The following LRRTM4 variants were observed in gnomAD, a reference collection of about 807,000 sequenced individuals.
The protein encoded by LRRTM4 is leucine rich repeat transmembrane neuronal 4.
LRRTM4 carries 25 observed loss-of-function variants against 47.6 expected under a neutral mutation model. That is an observed-to-expected ratio of 0.53 (90% CI 0.38 to 0.73). LRRTM4 has a LOEUF of 0.73. LRRTM4 is among the 30% of genes least tolerant of loss of function. The pLI, the probability that LRRTM4 is intolerant of heterozygous loss-of-function variation, is 0.00. For synonymous variants in LRRTM4, 311 were observed against 269.5 expected (o/e 1.15, Z -1.51); for missense variants, 638 against 713.4 (o/e 0.89, Z 1.20).
intron 3 of LRRTM4, among the ~76,000 whole-genome samples, chr2:77,337,486 C>A (rs1399400419): frequency 6.6e-6 from 1 of 152,050 alleles, no homozygotes; most frequent in Non-Finnish European, 1.5e-5. Context: ...GAGGAAGGGA[C>A]CTGGTAGGAA....
intron 3 of LRRTM4, among the ~76,000 whole-genome samples, chr2:77,095,124 T>A (rs1425133141): frequency 2.0e-5 from 3 of 152,192 alleles, no homozygotes; most frequent in Non-Finnish European, 4.4e-5. Context: ...CAGACATTTC[T>A]CAACAGAAGA....
chr2:76,761,069 A>C (rs1476378638), intron 3 of LRRTM4, among the ~76,000 whole-genome samples: 1 of 152,218 alleles, frequency 6.6e-6, no homozygotes, highest in East Asian at 1.9e-4. Context: ...TGGTGATTCA[A>C]ATGTGCAACC....
At chr2:77,008,805 G>A (rs145164656) in intron 3 of LRRTM4, among the ~76,000 whole-genome samples, 164 of 152,110 alleles carry the variant, frequency 1.1e-3, no homozygotes, top group African/African-American at 3.7e-3. Flanking sequence ...ACGAGGCGCC[G>A]GCAATGCCTT....
At chr2:76,852,279 C>T (rs991118979) in intron 3 of LRRTM4, among the ~76,000 whole-genome samples, 6 of 152,154 alleles carry the variant, frequency 3.9e-5, no homozygotes, top group African/African-American at 1.2e-4. Context: ...CTGAAGGTAT[C>T]ATTCAGCTTA....
Position 76,924,311 on chromosome 2 carries a change from C to A in LRRTM4, c.1552-175395G>T, listed in dbSNP as rs570108942. 2.6e-5 allele frequency among the ~76,000 whole-genome samples: 4 copies of A among 152,160 alleles called. No individual in the cohort carries two copies. In the East Asian group the frequency reaches 7.8e-4, roughly 29 times the overall value. ...TGTCTTTATAAACTATTTTCCTCAA[C>A]TCTTCTCTTTTTGTTCTTTATGAGT... is the stretch of plus-strand genomic sequence containing the variant. On this transcript the variant is annotated intron_variant, in intron 3 of 3. Coordinates refer to ENST00000409884, the MANE Select transcript of LRRTM4 (RefSeq NM_001134745.3).
chr2:77,190,625 G>A (rs779860521), intron 3 of LRRTM4, among the ~76,000 whole-genome samples: 17 of 151,956 alleles, frequency 1.1e-4, no homozygotes, highest in Non-Finnish European at 1.9e-4. Flanking sequence ...TTTAAACTAG[G>A]AATATTAGCA....
chr2:76,776,114 T>C (rs1673974849), intron 3 of LRRTM4, among the ~76,000 whole-genome samples: 1 of 152,238 alleles, frequency 6.6e-6, no homozygotes, highest in African/African-American at 2.4e-5. Flanking sequence ...TGCATAGTAT[T>C]CCACGGTGTA....
At chr2:77,423,257 T>C (rs537949084) in intron 3 of LRRTM4, among the ~76,000 whole-genome samples, 149 of 152,294 alleles carry the variant, frequency 9.8e-4, no homozygotes, top group African/African-American at 3.4e-3. Flanking sequence ...TTTTTGCATG[T>C]AATTTTTTTT....
intron 3 of LRRTM4, among the ~76,000 whole-genome samples, chr2:76,883,480 C>G (rs1289559494): frequency 6.6e-6 from 1 of 152,160 alleles, no homozygotes; most frequent in Non-Finnish European, 1.5e-5. Flanking sequence ...GATTTTGTAG[C>G]CAGACCATCC....
intron 3 of LRRTM4, among the ~76,000 whole-genome samples, chr2:77,038,344 T>C (rs1036532095): frequency 6.6e-6 from 1 of 151,628 alleles, no homozygotes; most frequent in East Asian, 1.9e-4. Flanking sequence ...TAGAATTCAC[T>C]TGACCTTAGG....
intron 3 of LRRTM4, among the ~76,000 whole-genome samples, chr2:77,309,333 C>G (rs1392564832): frequency 6.6e-6 from 1 of 152,150 alleles, no homozygotes; most frequent in African/African-American, 2.4e-5. Context: ...GAGAAATAAA[C>G]TTCGTTGACC....
At chr2:77,399,453 A>C (rs1188602912) in intron 3 of LRRTM4, among the ~76,000 whole-genome samples, 1 of 151,924 alleles carries the variant, frequency 6.6e-6, no homozygotes, top group South Asian at 2.1e-4. Context: ...AGAGAGCAGA[A>C]TGTTGGTTAC....
At chr2:76,958,202 A>T (rs1243511656) in intron 3 of LRRTM4, among the ~76,000 whole-genome samples, 1 of 151,822 alleles carries the variant, frequency 6.6e-6, no homozygotes, top group East Asian at 1.9e-4. Flanking sequence ...GGCCAGGCAG[A>T]GGGCCATGTC....
rs370109351 is a variant in LRRTM4, at chr2:76,779,663, G to A, written c.1552-30747C>T. On this transcript the variant is annotated intron_variant, in intron 3 of 3. Coordinates refer to ENST00000409884, the MANE Select transcript of LRRTM4 (RefSeq NM_001134745.3). ...TTTGAGCCTATATGTGTCTCTGCAC[G>A]TGAGATGGGTTTCCTGAATACAGCA... 4.2e-3 allele frequency among the ~76,000 whole-genome samples: 630 copies of A among 151,630 alleles called. 7 individuals are homozygous for A. Among genetic ancestry groups the A allele is most frequent in the Middle Eastern group, 0.017 (5 of 294 alleles).
At chr2:77,419,519 G>A (rs1461122172) in intron 3 of LRRTM4, among the ~76,000 whole-genome samples, 1 of 152,110 alleles carries the variant, frequency 6.6e-6, no homozygotes, top group East Asian at 1.9e-4. Flanking sequence ...GTAAATAGTT[G>A]CTAGTTGTTA....
intron 3 of LRRTM4, among the ~76,000 whole-genome samples, chr2:77,376,190 C>A (rs1372752248): frequency 6.6e-6 from 1 of 151,592 alleles, no homozygotes; most frequent in Non-Finnish European, 1.5e-5. Context: ...AGAAATTTTC[C>A]ATTTAACAGT....
chr2:77,249,797 T>C (rs1675553526), intron 3 of LRRTM4, among the ~76,000 whole-genome samples: 1 of 152,172 alleles, frequency 6.6e-6, no homozygotes, highest in African/African-American at 2.4e-5. Flanking sequence ...CCATATGACC[T>C]AGCTAGCAGT....
At chr2:76,937,906 A>G (rs1675012520) in intron 3 of LRRTM4, among the ~76,000 whole-genome samples, 1 of 152,030 alleles carries the variant, frequency 6.6e-6, no homozygotes, top group African/African-American at 2.4e-5. Context: ...CCTTAATACC[A>G]ATTGCATAGT....
At chr2:77,330,740 TC>T (rs1317758929) in intron 3 of LRRTM4, among the ~76,000 whole-genome samples, 60 of 152,306 alleles carry the variant, frequency 3.9e-4, no homozygotes, top group African/African-American at 1.1e-3. Context: ...TTTATACTCA[TC>T]TTTTTTGTTG....
Sources: gnomAD v4.1 joint callset for allele counts (sites outside exome capture counted in the v4.1 genomes callset) on GRCh38, gnomAD v4.1.1 for gene constraint, MANE v1.5 for transcripts, NCBI Gene and HGNC (gene_info 2026-07-23, HGNC 2026-07-21) for gene names.